Variants in ZNF385D observed in about 807,000 individuals in gnomAD.
The protein encoded by ZNF385D is zinc finger protein 659.
Under a neutral mutation model 35.8 loss-of-function variants are expected in ZNF385D, and 15 were observed. The observed-to-expected ratio is 0.42, with a 90% CI of 0.28 to 0.64. The LOEUF is 0.64. Among genes scored for constraint, ZNF385D ranks in the 30% least tolerant of loss-of-function variants. The probability of loss-of-function intolerance (pLI) is 0.23; values close to 1 mark genes in which losing one functional copy is unlikely to be tolerated. For synonymous variants in ZNF385D, 212 were observed against 186.8 expected (o/e 1.13, Z -1.10); for missense variants, 474 against 494.6 (o/e 0.96, Z 0.39).
At chr3:21,424,317 A>ATATATATATTT (rs1221923155) in intron 6 of ZNF385D, among the ~76,000 whole-genome samples, 12 of 63,794 alleles carry the variant, frequency 1.9e-4, no homozygotes, top group African/African-American at 6.8e-4. Flanking sequence ...ATATATATAT[A>ATATATATATTT]TTTTTTTTTT....
intron 1 of ZNF385D, among the ~76,000 whole-genome samples, chr3:21,719,939 C>T (rs1353166741): frequency 1.3e-5 from 2 of 152,154 alleles, no homozygotes; most frequent in African/African-American, 4.8e-5. Flanking sequence ...GCTGTATGAC[C>T]TCAGATGATT....
In ZNF385D at chr3:21,750,971, G is replaced by A; in HGVS notation, c.-55C>T. On this transcript the variant is annotated 5_prime_UTR_variant, in exon 1 of 8. Coordinates refer to ENST00000281523, the MANE Select transcript of ZNF385D (RefSeq NM_024697.3). ...GTCTTCAGCATCAGCTCTCACCCAA[G>A]GCTGGCACGTAGAGCAGAGCCCTTT... The A allele has an allele frequency of 3.7e-6, 6 of 1,613,746 alleles. No individual in the cohort carries two copies. The highest frequency in any genetic ancestry group is 4.2e-6 in the Non-Finnish European group (5 of 1,179,914).
At chr3:21,566,717 C>A (rs1349125974) in intron 2 of ZNF385D, among the ~76,000 whole-genome samples, 1 of 152,120 alleles carries the variant, frequency 6.6e-6, no homozygotes, top group Admixed American at 6.5e-5. Context: ...TAATAATTTA[C>A]ATACAATAAA....
chr3:22,262,203 T>C (rs1370452419), intron 2 of ZNF385D, among the ~76,000 whole-genome samples: 1 of 151,942 alleles, frequency 6.6e-6, no homozygotes, highest in Admixed American at 6.6e-5. Context: ...TTAGTAACAA[T>C]ATAATGAGGT....
intron 2 of ZNF385D, among the ~76,000 whole-genome samples, chr3:22,252,252 T>C (rs1224866620): frequency 6.6e-6 from 1 of 151,978 alleles, no homozygotes; most frequent in Non-Finnish European, 1.5e-5. Context: ...TGAAAGGAAA[T>C]TGAGGGGAGG....
chr3:22,177,653 T>C (rs928211983), intron 2 of ZNF385D, among the ~76,000 whole-genome samples: 8 of 152,194 alleles, frequency 5.3e-5, no homozygotes, highest in African/African-American at 1.4e-4. Flanking sequence ...TACATATGTA[T>C]ACATGTGCCG....
chr3:21,598,609 GTCGA>G (rs2064192087), intron 2 of ZNF385D, among the ~76,000 whole-genome samples: 1 of 152,144 alleles, frequency 6.6e-6, no homozygotes, highest in South Asian at 2.1e-4. Context: ...AAAAATATCT[GTCGA>G]CTTGGATACT....
At chr3:22,304,651 T>C (rs1356174982) in intron 2 of ZNF385D, among the ~76,000 whole-genome samples, 2 of 152,170 alleles carry the variant, frequency 1.3e-5, no homozygotes, top group Admixed American at 1.3e-4. Flanking sequence ...GATTACCATA[T>C]AATGAGGTTT....
At chr3:22,167,343 C>A (rs531311045) in intron 3 of ZNF385D, among the ~76,000 whole-genome samples, 1 of 152,318 alleles carries the variant, frequency 6.6e-6, no homozygotes, top group African/African-American at 2.4e-5. Context: ...CTCTCCTATT[C>A]TGAGCCCATA....
chr3:21,910,330 G>C (rs1467935693), intron 3 of ZNF385D, among the ~76,000 whole-genome samples: 3 of 151,920 alleles, frequency 2.0e-5, no homozygotes, highest in Non-Finnish European at 2.9e-5. Flanking sequence ...AAATAGAGGG[G>C]AGGCAGTTGC....
intron 3 of ZNF385D, among the ~76,000 whole-genome samples, chr3:21,887,573 T>C (rs779026): frequency 0.95 from 144,778 of 152,146 alleles, 68,926 homozygotes; most frequent in East Asian, 1. Context: ...GGTAACAACA[T>C]ATATGGAATT....
chr3:22,107,009 A>G (rs1702249529), intron 3 of ZNF385D, among the ~76,000 whole-genome samples: 1 of 136,192 alleles, frequency 7.3e-6, no homozygotes, highest in South Asian at 2.4e-4. Context: ...TATTTATGCA[A>G]AAACTTTGGA....
intron 3 of ZNF385D, among the ~76,000 whole-genome samples, chr3:21,889,939 G>C (rs138075110): frequency 6.6e-6 from 1 of 151,932 alleles, no homozygotes; most frequent in Non-Finnish European, 1.5e-5. Context: ...TAGCATCTCT[G>C]TGTGTGCCTG....
chr3:22,108,364 T>C (rs1252806701), intron 3 of ZNF385D, among the ~76,000 whole-genome samples: 1 of 150,904 alleles, frequency 6.6e-6, no homozygotes, highest in African/African-American at 2.4e-5. Flanking sequence ...GAAAGGTTTT[T>C]TTTGTTTTTT....
intron 2 of ZNF385D, among the ~76,000 whole-genome samples, chr3:22,269,245 G>A (rs1559489638): frequency 6.6e-6 from 1 of 151,944 alleles, no homozygotes; most frequent in Non-Finnish European, 1.5e-5. Context: ...TAAAATGAAT[G>A]AGAGAAGTAA....
At chr3:22,310,363 T>C (rs1434812135) in intron 2 of ZNF385D, among the ~76,000 whole-genome samples, 1 of 152,018 alleles carries the variant, frequency 6.6e-6, no homozygotes, top group Non-Finnish European at 1.5e-5. Flanking sequence ...CTGTAACTTT[T>C]ACATGATAAC....
At position 22,363,502 on chromosome 3, in the gene ZNF385D, G is replaced by A. The variant is rs903273938; in HGVS notation, c.106+8948C>T. On this transcript the variant is annotated intron_variant, in intron 2 of 5. Coordinates refer to the ZNF385D transcript ENST00000494108. ...AAGTAAGATTCCTGTTCAAATCTTT[G>A]CTACATTAACAAGGATGTTGTTCAC... is the stretch of plus-strand genomic sequence containing the variant. Among the ~76,000 whole-genome samples the A allele has an allele frequency of 2.0e-5, 3 of 152,128 alleles. No individual in the cohort carries two copies. In the South Asian group the frequency reaches 6.2e-4, roughly 31 times the overall value.
At chr3:22,270,805 T>G (rs1041359926) in intron 2 of ZNF385D, among the ~76,000 whole-genome samples, 6 of 152,046 alleles carry the variant, frequency 3.9e-5, no homozygotes, top group African/African-American at 1.4e-4. Flanking sequence ...GTAGCTTTAA[T>G]AAATGTATTG....
chr3:21,563,566 A>T (rs539716619), intron 3 of ZNF385D, among the ~76,000 whole-genome samples: 9 of 152,330 alleles, frequency 5.9e-5, no homozygotes, highest in African/African-American at 1.9e-4. Flanking sequence ...ATACTCAATT[A>T]TCTTGCATCC....
Sources: gnomAD v4.1 joint callset for allele counts (sites outside exome capture counted in the v4.1 genomes callset) on GRCh38, gnomAD v4.1.1 for gene constraint, MANE v1.5 for transcripts, NCBI Gene and HGNC (gene_info 2026-07-23, HGNC 2026-07-21) for gene names.